DNAH14: variants seen among roughly 807,000 people sequenced by gnomAD.
The protein encoded by DNAH14 is axonemal beta dynein heavy chain 14.
A neutral mutation model predicts 520.9 loss-of-function variants in DNAH14; 478 were observed. That is an observed-to-expected ratio of 0.92 (90% CI 0.85 to 0.99). The LOEUF (loss-of-function observed/expected upper bound fraction) is 0.99. Ranked by LOEUF, DNAH14 falls within the 50% of genes least tolerant of loss-of-function variation. The probability of loss-of-function intolerance (pLI) is 0.00; values close to 1 mark genes in which losing one functional copy is unlikely to be tolerated. For synonymous variants in DNAH14, 1,581 were observed against 1,757.2 expected (o/e 0.90, Z 2.51); for missense variants, 4,831 against 5,234.5 (o/e 0.92, Z 2.38).
At chr1:225,291,615 G>A (rs983376378) in intron 55 of DNAH14, among the ~76,000 whole-genome samples, 1 of 151,898 alleles carries the variant, frequency 6.6e-6, no homozygotes, top group African/African-American at 2.4e-5. Flanking sequence ...TCACTGTGTT[G>A]CCCAGACTCA....
At chr1:225,329,319 C>T (rs543939778) in intron 64 of DNAH14, among the ~76,000 whole-genome samples, 1 of 152,046 alleles carries the variant, frequency 6.6e-6, no homozygotes, top group East Asian at 1.9e-4. Flanking sequence ...AGACAAGAAG[C>T]TTAAGGAATG....
intron 35 of DNAH14, among the ~76,000 whole-genome samples, chr1:225,167,655 T>C (rs1429803136): frequency 1.3e-5 from 2 of 152,190 alleles, no homozygotes; most frequent in African/African-American, 4.8e-5. Context: ...TCTCATAACC[T>C]CTGGTTTTTA....
chr1:225,307,471 C>T lies in DNAH14; in HGVS notation c.9016C>T (p.His3006Tyr), dbSNP rs2094270580. 6.5e-7 allele frequency: 1 copy of T among 1,541,214 alleles called. No individual in the cohort carries two copies. Among genetic ancestry groups the T allele is most frequent in the Non-Finnish European group, 8.7e-7 (1 of 1,143,774 alleles). ...TTTTTCTTCCTTCAGGGATCGCTTC[C>T]ATATGGGTCTATCCACAATCCTGGA... is the stretch of plus-strand genomic sequence containing the variant. ...EEMQTKRDRF[H>Y]MGLSTILEAT... Residue 3006 changes from histidine to tyrosine, a missense_variant, in exon 59 of 86, where the codon CAT becomes TAT. Physicochemically the swap from His to Tyr is moderately conservative, Grantham distance 83. Transcript: ENST00000682510.
At chr1:225,327,522 T>C (rs191194760) in intron 64 of DNAH14, among the ~76,000 whole-genome samples, 1 of 152,082 alleles carries the variant, frequency 6.6e-6, no homozygotes, top group East Asian at 1.9e-4. Flanking sequence ...AATCAGAAAA[T>C]ACTTAGAGAC....
At chr1:224,972,829 A>C (rs145064960) in intron 7 of DNAH14, among the ~76,000 whole-genome samples, 3 of 152,314 alleles carry the variant, frequency 2.0e-5, no homozygotes, top group African/African-American at 7.2e-5. Flanking sequence ...TAATATTTCA[A>C]ATAGAAAAAT....
chr1:225,325,606 T>C (rs111287744), intron 64 of DNAH14, among the ~76,000 whole-genome samples: 9 of 152,324 alleles, frequency 5.9e-5, no homozygotes, highest in African/African-American at 2.2e-4. Context: ...ATCATTATCA[T>C]TATGAGAACT....
chr1:225,128,232 T>G (rs984240875), intron 27 of DNAH14, among the ~76,000 whole-genome samples: 1 of 151,946 alleles, frequency 6.6e-6, no homozygotes, highest in Admixed American at 6.6e-5. Context: ...TCTCTGTGTT[T>G]CCTGAATCTG....
At chr1:225,315,057 A>G (rs1203983063) in intron 60 of DNAH14, among the ~76,000 whole-genome samples, 1 of 152,054 alleles carries the variant, frequency 6.6e-6, no homozygotes, top group African/African-American at 2.4e-5. Flanking sequence ...CATTCTCTCC[A>G]TCACTTTCAA....
intron 17 of DNAH14, among the ~76,000 whole-genome samples, chr1:225,070,102 A>G (rs1190529126): frequency 2.0e-5 from 3 of 151,678 alleles, no homozygotes; most frequent in Non-Finnish European, 4.4e-5. Flanking sequence ...TCCCTTTTCT[A>G]CTTTATTCGT....
intron 60 of DNAH14, among the ~76,000 whole-genome samples, chr1:225,308,826 C>A (rs1353412702): frequency 1.3e-5 from 2 of 152,236 alleles, no homozygotes; most frequent in Admixed American, 1.3e-4. Flanking sequence ...CTCCTCCATA[C>A]ATTCCAGTCG....
intron 28 of DNAH14, among the ~76,000 whole-genome samples, chr1:225,142,217 T>C (rs901386747): frequency 1.3e-5 from 2 of 152,134 alleles, no homozygotes; most frequent in South Asian, 2.1e-4. Context: ...GAAGAGCATA[T>C]ATAGAAAGGT....
chr1:225,031,424 G>T (rs1196820015), intron 11 of DNAH14, among the ~76,000 whole-genome samples: 1 of 151,972 alleles, frequency 6.6e-6, no homozygotes, highest in Non-Finnish European at 1.5e-5. Flanking sequence ...CACTACAAAG[G>T]CAAAATTCAG....
intron 79 of DNAH14, among the ~76,000 whole-genome samples, chr1:225,379,689 T>C (rs2095755290): frequency 6.6e-6 from 1 of 152,078 alleles, no homozygotes; most frequent in African/African-American, 2.4e-5. Context: ...CATGCCTGGC[T>C]AACTTTTGTA....
intron 4 of DNAH14, among the ~76,000 whole-genome samples, chr1:224,963,965 T>A: frequency 6.6e-6 from 1 of 152,144 alleles, no homozygotes; most frequent in African/African-American, 2.4e-5. Flanking sequence ...AAAGGAAGTT[T>A]AAGGGCCAGG....
At chr1:225,175,214 G>C (rs2083180241) in intron 36 of DNAH14, among the ~76,000 whole-genome samples, 1 of 152,110 alleles carries the variant, frequency 6.6e-6, no homozygotes, top group Non-Finnish European at 1.5e-5. Context: ...TCATTTTCTT[G>C]AAGAATCTGA....
chr1:225,195,018 G>A (rs1559251863), intron 38 of DNAH14, among the ~76,000 whole-genome samples: 1 of 152,056 alleles, frequency 6.6e-6, no homozygotes, highest in Non-Finnish European at 1.5e-5. Flanking sequence ...AATAACAGAT[G>A]CTAGCAAGGG....
intron 41 of DNAH14, among the ~76,000 whole-genome samples, chr1:225,228,531 G>A (rs79274778): frequency 0.049 from 7,464 of 152,046 alleles, 286 homozygotes; most frequent in Non-Finnish European, 0.073. Flanking sequence ...CCTAATCGCC[G>A]TAGATCTACA....
intron 10 of DNAH14, among the ~76,000 whole-genome samples, chr1:225,019,085 G>A (rs2065442467): frequency 1.3e-5 from 2 of 152,178 alleles, no homozygotes; most frequent in Admixed American, 6.5e-5. Flanking sequence ...GACCTTGAAT[G>A]TAAATGGGCT....
chr1:225,286,897 G>T (rs1193479477), intron 54 of DNAH14, among the ~76,000 whole-genome samples: 3 of 152,102 alleles, frequency 2.0e-5, no homozygotes, highest in African/African-American at 7.2e-5. Context: ...ATTATTAAGA[G>T]ATAAAAAGAA....
Sources: allele counts gnomAD v4.1 joint callset (sites outside exome capture counted in the v4.1 genomes callset), GRCh38; gene constraint gnomAD v4.1.1; transcripts MANE v1.5; gene names NCBI Gene and HGNC (gene_info 2026-07-23, HGNC 2026-07-21).